The following SMARCA2 variants were observed in gnomAD, a reference collection of about 807,000 sequenced individuals.
SMARCA2 encodes the protein SWI/SNF related BAF chromatin remodeling complex subunit ATPase 2, also known as SWI/SNF-related matrix-associated actin-dependent regulator of chromatin subfamily A member 2.
SMARCA2 carries 61 observed loss-of-function variants against 199.8 expected under a neutral mutation model. The observed-to-expected ratio is 0.31, with a 90% confidence interval of 0.25 to 0.38. The LOEUF is 0.38. Among genes scored for constraint, SMARCA2 ranks in the 10% least tolerant of loss-of-function variants. The pLI is 1.00. For synonymous variants in SMARCA2, 935 were observed against 732.0 expected (o/e 1.28, Z -4.48); for missense variants, 1,344 against 2,012.2 (o/e 0.67, Z 6.35).
At chr9:2,160,881 A>G (rs1022206970) in intron 27 of SMARCA2, 1 of 353,270 alleles carries the variant, frequency 2.8e-6, no homozygotes, top group Non-Finnish European at 5.1e-6. Flanking sequence ...GAGATTTACC[A>G]GGAAAAAAAA....
intron 29 of SMARCA2, among the ~76,000 whole-genome samples, chr9:2,176,136 C>T (rs1448883198): frequency 6.7e-6 from 1 of 150,070 alleles, no homozygotes; most frequent in African/African-American, 2.5e-5. Flanking sequence ...CTGCCTCGGC[C>T]TCCCAAAGTG....
chr9:2,138,563 C>T (rs976855415), intron 27 of SMARCA2, among the ~76,000 whole-genome samples: 2 of 152,208 alleles, frequency 1.3e-5, no homozygotes, highest in Non-Finnish European at 1.5e-5. Context: ...TTTACCAAGG[C>T]TTCCCATAGT....
intron 27 of SMARCA2, among the ~76,000 whole-genome samples, chr9:2,135,760 C>T (rs1443717286): frequency 2.6e-5 from 4 of 152,218 alleles, no homozygotes; most frequent in Non-Finnish European, 5.9e-5. Flanking sequence ...TCAGCCTGGT[C>T]TTGAACTCCT....
chr9:2,041,578 A>G (rs545090550), intron 4 of SMARCA2: 13 of 394,684 alleles, frequency 3.3e-5, no homozygotes, highest in East Asian at 2.9e-4. Flanking sequence ...GGATTTTAAC[A>G]TATGAATTTT....
intron 32 of SMARCA2, among the ~76,000 whole-genome samples, chr9:2,188,419 T>C (rs968353582): frequency 6.6e-6 from 1 of 152,180 alleles, no homozygotes; most frequent in East Asian, 1.9e-4. Context: ...TTTTCTATTA[T>C]CTATATTCTA....
At chr9:2,176,756 C>T (rs1826638165) in intron 29 of SMARCA2, among the ~76,000 whole-genome samples, 1 of 150,928 alleles carries the variant, frequency 6.6e-6, no homozygotes, top group African/African-American at 2.4e-5. Flanking sequence ...TGAGGTTTCT[C>T]CATGTTGTCT....
At position 2,058,377 on chromosome 9, in the gene SMARCA2, A is replaced by G. The variant is rs187300214; in HGVS notation, c.1434A>G (p.Lys478=). ...SVAGKIQKLS[K]AVATWHANTE... is the part of the protein sequence containing the mutation. ...CCGGAAAGATCCAGAAGCTCTCCAA[A>G]GCAGTGGCAACTTGGCATGCCAACA... is the stretch of plus-strand genomic sequence containing the variant. Residue 478 remains lysine, a synonymous_variant, in exon 8 of 34, where the codon AAA becomes AAG. Coordinates refer to ENST00000349721, the MANE Select transcript of SMARCA2 (RefSeq NM_003070.5). 1.2e-5 allele frequency: 19 copies of G among 1,614,204 alleles called. No individual in the cohort carries two copies. In the East Asian group the frequency reaches 3.6e-4, roughly 30 times the overall value.
intron 27 of SMARCA2, among the ~76,000 whole-genome samples, chr9:2,147,780 A>G (rs937956063): frequency 1.3e-5 from 2 of 151,400 alleles, no homozygotes; most frequent in Non-Finnish European, 3.0e-5. Flanking sequence ...CCCGGGAGGC[A>G]GAGGTTGCAG....
chr9:2,114,160 A>G (rs1376048503), intron 24 of SMARCA2, among the ~76,000 whole-genome samples: 1 of 152,196 alleles, frequency 6.6e-6, no homozygotes, highest in Non-Finnish European at 1.5e-5. Context: ...TAAAAGCTTA[A>G]AAAGGAACTT....
intron 19 of SMARCA2, among the ~76,000 whole-genome samples, chr9:2,089,160 G>A (rs1035036900): frequency 1.3e-5 from 2 of 152,126 alleles, no homozygotes; most frequent in African/African-American, 4.8e-5. Flanking sequence ...TAAAAATTAA[G>A]TTCCTGTGAA....
In SMARCA2 at chr9:2,169,920, G is replaced by A. The variant is rs539171524; in HGVS notation, c.4200-499G>A. ...TGGAAGCAGAGCTGACTAGTTAGATGGTGTTCAGACCCAAATTGGCTGATG... is the reference window on the plus strand; with the variant it reads ...TGGAAGCAGAGCTGACTAGTTAGATAGTGTTCAGACCCAAATTGGCTGATG... On this transcript the variant is annotated intron_variant, in intron 28 of 33. Transcript: ENST00000349721. The surrounding 1 kb of genome is among the most constrained non-coding windows in gnomAD (Gnocchi z 6.5). Among the ~76,000 whole-genome samples the A allele has an allele frequency of 2.0e-5, 3 of 152,254 alleles. No individual in the cohort carries two copies. The highest frequency in any genetic ancestry group is 7.2e-5 in the African/African-American group (3 of 41,532).
rs111909436 is a variant in SMARCA2 at position 2,186,229 on chromosome 9, G to A, written c.4594+1G>A. 6.2e-7 allele frequency: 1 copy of A among 1,613,132 alleles called. No homozygotes were observed. The highest frequency in any genetic ancestry group is 1.3e-5 in the African/African-American group (1 of 74,900). ...GATGAAGAAGAGTCAGAGTCCGAGG[G>A]TAAGCCCAGACATTCGGGTCCTGTA... is the stretch of plus-strand genomic sequence containing the variant. On this transcript the variant is annotated splice_donor_variant, in intron 32 of 33. Transcript: ENST00000349721. LOFTEE classifies it high-confidence loss of function.
chr9:2,097,785 T>A (rs1410469895), intron 21 of SMARCA2, among the ~76,000 whole-genome samples: 4 of 152,214 alleles, frequency 2.6e-5, no homozygotes, highest in African/African-American at 9.7e-5. Context: ...CTTGTTATAC[T>A]GGGAGCTCTG....
intron 28 of SMARCA2, among the ~76,000 whole-genome samples, chr9:2,165,261 A>T (rs1207677382): frequency 6.6e-6 from 1 of 152,248 alleles, no homozygotes; most frequent in Non-Finnish European, 1.5e-5. Context: ...CTGATATATA[A>T]GAAGAATTAA....
At chr9:2,078,671 G>A (rs553875102) in intron 14 of SMARCA2, among the ~76,000 whole-genome samples, 5 of 151,956 alleles carry the variant, frequency 3.3e-5, no homozygotes, top group South Asian at 4.2e-4. Context: ...GAGGCCAGGT[G>A]CGGTAGCTCA....
intron 27 of SMARCA2, among the ~76,000 whole-genome samples, chr9:2,140,683 T>C: frequency 6.6e-6 from 1 of 152,210 alleles, no homozygotes; most frequent in East Asian, 1.9e-4. Context: ...GACCTTCAGG[T>C]ATCCAAGGTT....
At position 2,170,233 on chromosome 9, in the gene SMARCA2, C is replaced by T. The variant is rs1378425258; in HGVS notation, c.4200-186C>T. On this transcript the variant is annotated intron_variant, in intron 28 of 33. Transcript: ENST00000349721. This position sits in a 1 kb window ranked among gnomAD's most constrained non-coding sequence, Gnocchi z 4.7. ...AGGTTAGGAAATCCACTTCCCCCAC[C>T]ATTTTTAGAGAACTATGTTATTTTT... is the stretch of plus-strand genomic sequence containing the variant. 6.6e-6 allele frequency among the ~76,000 whole-genome samples: 1 copy of T among 152,170 alleles called. No individual in the cohort carries two copies.
Position 2,123,567 on chromosome 9 carries a change from T to C in SMARCA2, c.3763-152T>C. The C allele has an allele frequency of 1.4e-6, 1 of 691,324 alleles. No homozygotes were observed. Among genetic ancestry groups the C allele is most frequent in the Non-Finnish European group, 2.6e-6 (1 of 385,654 alleles). The allele number at this position is 691,324 out of a possible 1,614,324, so 42.8% of individuals were successfully genotyped here. On this transcript the variant is annotated intron_variant, in intron 26 of 33. Transcript: ENST00000349721. This position sits in a 1 kb window ranked among gnomAD's most constrained non-coding sequence, Gnocchi z 4.1. ...TTAATGGAATCTCTCCCTAGATATT[T>C]AGGGATGAGCTAGAACAAGCCAACC...
intron 31 of SMARCA2, among the ~76,000 whole-genome samples, chr9:2,184,542 A>T (rs1405863583): frequency 6.6e-6 from 1 of 151,518 alleles, no homozygotes; most frequent in Non-Finnish European, 1.5e-5. Context: ...TTTAGTAGAG[A>T]TGGGGTTTCA....
Sources: allele counts gnomAD v4.1 joint callset (sites outside exome capture counted in the v4.1 genomes callset), GRCh38; gene constraint gnomAD v4.1.1; non-coding constraint Gnocchi (gnomAD v3.1); transcripts MANE v1.5; gene names NCBI Gene and HGNC (gene_info 2026-07-23, HGNC 2026-07-21).